Variants in TMEM178B observed in about 807,000 individuals in gnomAD.
TMEM178B encodes transmembrane protein 178B.
In TMEM178B, 5 loss-of-function variants were observed where a neutral mutation model predicts 31.0. The observed-to-expected ratio is 0.16, with a 90% confidence interval of 0.08 to 0.34. The LOEUF (loss-of-function observed/expected upper bound fraction) is 0.34, where lower values mean the gene tolerates loss of function less well. Ranked by LOEUF, TMEM178B falls within the 10% of genes least tolerant of loss-of-function variation. The probability of loss-of-function intolerance (pLI) is 1.00; values close to 1 mark genes in which losing one functional copy is unlikely to be tolerated. For missense variants in TMEM178B, 275 were observed against 400.3 expected (o/e 0.69, Z 2.67); for synonymous variants, 164 against 164.0 (o/e 1.00, Z 0.00).
At chr7:141,504,756 G>A in the TMEM178B span, among the ~76,000 whole-genome samples, 53 of 152,286 alleles carry the variant, frequency 3.5e-4, 1 homozygote, top group East Asian at 9.3e-3. Context: ...GAATTGTATA[G>A]TGGTGAAGTC....
rs1014447190 is a variant in TMEM178B at position 141,075,343 on chromosome 7, T to TA, written c.382+661dup. Among the ~76,000 whole-genome samples the TA allele has an allele frequency of 2.1e-3, 304 of 147,458 alleles. 1 individual carries two copies. Among genetic ancestry groups the TA allele is most frequent in the African/African-American group, 6.7e-3 (268 of 40,202 alleles). ...TCGAATATCAACAAGGTCTAATAAG[T>TA]AAAAAAAAAATAGTTCTTTCAGTAA... is the stretch of plus-strand genomic sequence containing the variant. On this transcript the variant is annotated intron_variant, in intron 1 of 3. Transcript: ENST00000565468.
At chr7:141,410,245 C>T (rs921083433) in intron 2 of TMEM178B, among the ~76,000 whole-genome samples, 12 of 152,182 alleles carry the variant, frequency 7.9e-5, no homozygotes, top group African/African-American at 2.2e-4. Flanking sequence ...CTCTCAGCAT[C>T]GCAGCTGCCA....
At chr7:141,458,494 G>T (rs1802005557) in intron 3 of TMEM178B, among the ~76,000 whole-genome samples, 1 of 152,204 alleles carries the variant, frequency 6.6e-6, no homozygotes, top group African/African-American at 2.4e-5. Context: ...CCCACAGAAT[G>T]AAGGGTCCTG....
At chr7:141,485,006 C>G (rs1166869740), downstream of TMEM178B, among the ~76,000 whole-genome samples, 1 of 152,178 alleles carries the variant, frequency 6.6e-6, no homozygotes, top group Non-Finnish European at 1.5e-5. Flanking sequence ...GGGTCTAACT[C>G]TGGTTTTTAG....
chr7:141,408,348 A>G (rs1436478810), intron 2 of TMEM178B, among the ~76,000 whole-genome samples: 1 of 152,170 alleles, frequency 6.6e-6, no homozygotes, highest in Non-Finnish European at 1.5e-5. Flanking sequence ...CGTGTGCTGA[A>G]TATTATGTGC....
chr7:141,482,268 G>C (rs1341796513), downstream of TMEM178B, among the ~76,000 whole-genome samples: 3 of 152,112 alleles, frequency 2.0e-5, no homozygotes, highest in African/African-American at 2.4e-5. Flanking sequence ...AAATACCCAG[G>C]GTGGTTCATA....
At chr7:141,423,769 A>C (rs1316008639) in intron 2 of TMEM178B, among the ~76,000 whole-genome samples, 1 of 150,748 alleles carries the variant, frequency 6.6e-6, no homozygotes, top group Non-Finnish European at 1.5e-5. Flanking sequence ...TTAAAGGGGC[A>C]GATTTGAGTA....
chr7:141,238,278 C>T (rs368523515), intron 2 of TMEM178B, among the ~76,000 whole-genome samples: 29 of 152,098 alleles, frequency 1.9e-4, no homozygotes, highest in African/African-American at 7.0e-4. Context: ...GGAAAGGTCT[C>T]ACTTCTCTAT....
At chr7:141,237,849 C>T (rs987429973) in intron 2 of TMEM178B, among the ~76,000 whole-genome samples, 5 of 151,906 alleles carry the variant, frequency 3.3e-5, no homozygotes, top group Non-Finnish European at 5.9e-5. Flanking sequence ...CATGGCGAAA[C>T]CCCGTCTCTA....
the TMEM178B span, among the ~76,000 whole-genome samples, chr7:141,501,625 A>C: frequency 6.6e-6 from 1 of 152,206 alleles, no homozygotes; most frequent in East Asian, 1.9e-4. Flanking sequence ...TACCCTCTGT[A>C]ATACAGGTGG....
chr7:141,215,861 T>TTC lies in TMEM178B; in HGVS notation c.496+3159_496+3160dup, dbSNP rs199675921. 5.5e-3 allele frequency among the ~76,000 whole-genome samples: 709 copies of TTC among 127,948 alleles called. 23 individuals are homozygous for TTC. Among genetic ancestry groups the TTC allele is most frequent in the South Asian group, 0.036 (100 of 2,746 alleles). 83.9% of individuals were successfully genotyped at this position (127,948 alleles called of 152,430 possible). On this transcript the variant is annotated intron_variant, in intron 2 of 3. Transcript: ENST00000565468. Reference sequence around the variant, plus strand: ...TTCTTTTCTTTTCTTTTCTTTCTCTTTCTTTCTTTTCCTCCTTCCTTCCTT... The same window carrying TTC: ...TTCTTTTCTTTTCTTTTCTTTCTCTTTCTCTTTCTTTTCCTCCTTCCTTCCTT...
intron 2 of TMEM178B, among the ~76,000 whole-genome samples, chr7:141,394,560 C>G (rs1800602794): frequency 1.3e-5 from 2 of 152,222 alleles, no homozygotes; most frequent in South Asian, 4.1e-4. Flanking sequence ...TTATAAAATG[C>G]CTCATCTTCC....
chr7:141,190,598 A>G (rs546791827), intron 1 of TMEM178B, among the ~76,000 whole-genome samples: 1 of 152,280 alleles, frequency 6.6e-6, no homozygotes, highest in Non-Finnish European at 1.5e-5. Context: ...GGCAGGAGCC[A>G]CCATGCCCAG....
chr7:141,117,747 T>A (rs961091482), intron 1 of TMEM178B, among the ~76,000 whole-genome samples: 1 of 152,144 alleles, frequency 6.6e-6, no homozygotes. Flanking sequence ...GTTTTCCCAA[T>A]ACCATTTATT....
intron 1 of TMEM178B, among the ~76,000 whole-genome samples, chr7:141,188,067 T>C (rs932278075): frequency 6.6e-6 from 1 of 152,350 alleles, no homozygotes; most frequent in Non-Finnish European, 1.5e-5. Context: ...AGGGTTTTTA[T>C]GGTTTTAGGT....
intron 1 of TMEM178B, among the ~76,000 whole-genome samples, chr7:141,126,590 A>G (rs1368103039): frequency 6.6e-6 from 1 of 152,180 alleles, no homozygotes; most frequent in Non-Finnish European, 1.5e-5. Flanking sequence ...GTAAGTGGAA[A>G]ACCACTGGGA....
At chr7:141,305,599 TG>T (rs1426033661) in intron 2 of TMEM178B, among the ~76,000 whole-genome samples, 1 of 151,964 alleles carries the variant, frequency 6.6e-6, no homozygotes, top group Non-Finnish European at 1.5e-5. Context: ...AGCTAATTTT[TG>T]TATTTTGTAT....
intron 2 of TMEM178B, among the ~76,000 whole-genome samples, chr7:141,429,308 T>TACACACACACACAC (rs3039921): frequency 0.012 from 1,745 of 149,718 alleles, 15 homozygotes; most frequent in Middle Eastern, 0.021. Flanking sequence ...GAAAATGTAA[T>TACACACACACACAC]ACACACACAC....
the TMEM178B span, among the ~76,000 whole-genome samples, chr7:141,486,430 T>G: frequency 6.6e-6 from 1 of 152,354 alleles, no homozygotes; most frequent in South Asian, 2.1e-4. Context: ...TTCAGGACCC[T>G]GTCTGCCCCC....
Sources: gnomAD v4.1 joint callset for allele counts (sites outside exome capture counted in the v4.1 genomes callset) on GRCh38, gnomAD v4.1.1 for gene constraint, MANE v1.5 for transcripts, NCBI Gene and HGNC (gene_info 2026-07-23, HGNC 2026-07-21) for gene names.